NECTIN4: variants seen among roughly 807,000 people sequenced by gnomAD.
NECTIN4 encodes nectin-4.
A neutral mutation model predicts 51.7 loss-of-function variants in NECTIN4; 19 were observed. The observed-to-expected ratio is 0.37, with a 90% CI of 0.26 to 0.54. The LOEUF (loss-of-function observed/expected upper bound fraction) is 0.54, where lower values mean the gene tolerates loss of function less well. Among genes scored for constraint, NECTIN4 ranks in the 20% least tolerant of loss-of-function variants. NECTIN4 has a pLI of 0.86. For synonymous variants in NECTIN4, 283 were observed against 286.9 expected, an observed-to-expected ratio of 0.99 and a Z score of 0.14; for missense variants, 619 against 662.4, an observed-to-expected ratio of 0.93 and a Z score of 0.72.
In NECTIN4 at chr1:161,071,410, A is replaced by G. The variant is rs1167667655; in HGVS notation, c.*1251T>C. On this transcript the variant is annotated 3_prime_UTR_variant, in exon 9 of 9. Coordinates refer to ENST00000368012, the MANE Select transcript of NECTIN4 (RefSeq NM_030916.3). ...TATAATCACTGCTCTCTCTCTCCCC[A>G]ACACCACTATTGAACAGGAGCCCTT... 6.6e-6 allele frequency: 1 copy of G among 152,222 alleles called. No individual in the cohort carries two copies. Among genetic ancestry groups the G allele is most frequent in the Non-Finnish European group, 1.5e-5 (1 of 68,052 alleles). The allele number at this position is 152,222 out of a possible 1,614,324, so 9.4% of individuals were successfully genotyped here. A position where few individuals can be genotyped will look rare whatever the true frequency, so the allele number is the denominator to read the frequency against.
At chr1:161,078,680 G>C (rs1653525929) in intron 2 of NECTIN4, among the ~76,000 whole-genome samples, 2 of 152,046 alleles carry the variant, frequency 1.3e-5, no homozygotes, top group African/African-American at 4.8e-5. Context: ...TAAGTCCAGA[G>C]TTCACCACAA....
rs1378509417 is a variant in NECTIN4, at chr1:161,073,741, A to T, written c.1212T>A (p.His404Gln). 6.2e-7 allele frequency: 1 copy of T among 1,614,156 alleles called. No individual in the cohort carries two copies. The highest frequency in any genetic ancestry group is 2.2e-5 in the East Asian group (1 of 44,876). ...RENSIRRLHS[H>Q]HTDPRSQPEE... ...ACACCTGGCTCCTGGGGTCCGTGTG[A>T]TGGGAATGCAGCCTCCGGATGGAGT... The change falls in exon 7 of 9, where the codon CAT becomes CAA. Residue 404 changes from histidine (H) to glutamine (Q), a missense_variant. His to Gln is a conservative substitution (Grantham distance 24). Coordinates refer to ENST00000368012, the MANE Select transcript of NECTIN4 (RefSeq NM_030916.3).
chr1:161,073,884 C>T (rs537649774), intron 6 of NECTIN4, 89 bp from the exon 7 acceptor site: 22 of 1,230,304 alleles, frequency 1.8e-5, no homozygotes, highest in Middle Eastern at 1.9e-4. Context: ...GAGACAGGCC[C>T]GGAGGGTGTG....
rs1052792075 is a variant in NECTIN4, at chr1:161,087,771, T to C, written c.79+1447A>G. Among the ~76,000 whole-genome samples the C allele has an allele frequency of 2.6e-5, 4 of 151,992 alleles. No homozygotes were observed. In the South Asian group the frequency reaches 8.3e-4, roughly 32 times the overall value. ...GTCATAGGAAAGAGATGTTTGTGTGTGTGCGTGTGTGTCTACTCCTAACGT... is the reference window on the plus strand; with the variant it reads ...GTCATAGGAAAGAGATGTTTGTGTGCGTGCGTGTGTGTCTACTCCTAACGT... On this transcript the variant is annotated intron_variant, in intron 1 of 8. Transcript: ENST00000368012.
At chr1:161,073,112 G>A in intron 8 of NECTIN4, 113 bp downstream of exon 8, 1 of 1,001,984 alleles carries the variant, frequency 1.0e-6, no homozygotes. Flanking sequence ...GGCTGCATGA[G>A]CCAGGGCTAA....
chr1:161,079,566 C>T (rs1430944786), intron 2 of NECTIN4, 24 bp downstream of exon 2: 1 of 1,601,856 alleles, frequency 6.2e-7, no homozygotes, highest in East Asian at 2.2e-5. Flanking sequence ...GCGGCTCAGA[C>T]CGTACCCAGA....
intron 1 of NECTIN4, among the ~76,000 whole-genome samples, chr1:161,088,427 C>T (rs938349771): frequency 2.0e-5 from 3 of 152,146 alleles, no homozygotes; most frequent in African/African-American, 7.2e-5. Context: ...TTATACATTC[C>T]TATAATTCAT....
At chr1:161,075,434 T>C (rs1055776341) in intron 4 of NECTIN4, among the ~76,000 whole-genome samples, 4 of 152,236 alleles carry the variant, frequency 2.6e-5, no homozygotes, top group African/African-American at 9.6e-5. Context: ...CATAAATATA[T>C]AAAATATTAA....
At chr1:161,083,817 A>T (rs1185328278) in intron 1 of NECTIN4, among the ~76,000 whole-genome samples, 1 of 152,180 alleles carries the variant, frequency 6.6e-6, no homozygotes, top group Non-Finnish European at 1.5e-5. Flanking sequence ...GCTCCCAGAC[A>T]GGCCCTCCAT....
intron 7 of NECTIN4, 74 bp downstream of exon 7, chr1:161,073,646 C>A: frequency 7.7e-7 from 1 of 1,290,602 alleles, no homozygotes. Context: ...TCCTGGTCTG[C>A]AGAGGGGCCC....
intron 6 of NECTIN4, 89 bp from the exon 7 acceptor site, chr1:161,073,884 C>G: frequency 8.1e-7 from 1 of 1,230,304 alleles, no homozygotes; most frequent in Non-Finnish European, 1.2e-6. Context: ...GAGACAGGCC[C>G]GGAGGGTGTG....
chr1:161,074,847 C>A, intron 4 of NECTIN4, 88 bp from the exon 5 acceptor site: 1 of 1,416,744 alleles, frequency 7.1e-7, no homozygotes, highest in South Asian at 1.3e-5. Context: ...CCACCCTCCA[C>A]CCCCATGACG....
At position 161,074,753 on chromosome 1, in the gene NECTIN4, A is replaced by T; in HGVS notation, c.858T>A (p.Asp286Glu). The change falls in exon 5 of 9, where the codon GAT becomes GAA. Residue 286 changes from aspartate to glutamate, a missense_variant. Physicochemically the swap from Asp to Glu is conservative, Grantham distance 45. Around this residue, in one of 3 missense-constraint regions of NECTIN4, gnomAD observed 364 missense variants for 415.7 expected, o/e 0.88. Transcript: ENST00000368012. ...CTCGTACCCCACTGGGCAGAGGCCC[A>T]TCCAGCCTGGAAGACAGGGAAGCTG... is the stretch of plus-strand genomic sequence containing the variant. ...PPPSYNWTRL[D>E]GPLPSGVRVD... is the part of the protein sequence containing the mutation. The T allele has an allele frequency of 1.2e-6, 2 of 1,613,450 alleles. No individual in the cohort carries two copies. The highest frequency in any genetic ancestry group is 1.1e-5 in the South Asian group (1 of 91,040).
chr1:161,074,186 T>C lies in NECTIN4; in HGVS notation c.1157+31A>G, dbSNP rs1209956143. Reference sequence around the variant, plus strand: ...ATCCTCTTCTTTGTTCTCAGCTTAGTTCTACCCACCCAGGAGTGCCCAGTA... The same window carrying C: ...ATCCTCTTCTTTGTTCTCAGCTTAGCTCTACCCACCCAGGAGTGCCCAGTA... On this transcript the variant is annotated intron_variant, in intron 6 of 8. Transcript: ENST00000368012. 3 of 1,613,792 alleles carry C rather than the reference T, an allele frequency of 1.9e-6. No homozygotes were observed. In the Admixed American group the frequency reaches 5.0e-5, roughly 27 times the overall value.
intron 6 of NECTIN4, 71 bp downstream of exon 6, chr1:161,074,145 TG>T: frequency 6.3e-7 from 1 of 1,593,960 alleles, no homozygotes; most frequent in Non-Finnish European, 8.6e-7. Flanking sequence ...TCCTCGGTCC[TG>T]GCCCACCTCC....
intron 1 of NECTIN4, among the ~76,000 whole-genome samples, chr1:161,082,226 G>C (rs767794442): frequency 2.0e-5 from 3 of 152,270 alleles, no homozygotes; most frequent in Admixed American, 2.0e-4. Flanking sequence ...CTACTCGGGA[G>C]GCTGAGGTAG....
In NECTIN4 at chr1:161,074,374, C is replaced by T. The variant is rs1653318339; in HGVS notation, c.1001-1G>A. Reference sequence around the variant, plus strand: ...TGCTTCCCAGAGTCTTCCTGGGGGTCTGCTGGAGACAGGCCACTGTCTGAG... The same window carrying T: ...TGCTTCCCAGAGTCTTCCTGGGGGTTTGCTGGAGACAGGCCACTGTCTGAG... On this transcript the variant is annotated splice_acceptor_variant, in intron 5 of 8. Coordinates refer to ENST00000368012, the MANE Select transcript of NECTIN4 (RefSeq NM_030916.3). LOFTEE classifies it high-confidence loss of function. 1.9e-6 allele frequency: 3 copies of T among 1,613,874 alleles called. No individual in the cohort carries two copies. The South Asian group carries it at 3.3e-5, about 18-fold the overall frequency.
intron 1 of NECTIN4, among the ~76,000 whole-genome samples, chr1:161,085,262 A>G (rs541655153): frequency 3.9e-5 from 6 of 152,104 alleles, no homozygotes; most frequent in African/African-American, 1.2e-4. Flanking sequence ...TCACAAAGGG[A>G]GATGAGAACA....
intron 1 of NECTIN4, among the ~76,000 whole-genome samples, chr1:161,088,083 A>G (rs545251738): frequency 6.6e-6 from 1 of 152,284 alleles, no homozygotes; most frequent in South Asian, 2.1e-4. Context: ...GGAGCTCAGT[A>G]TCCTACGACT....
Sources: gnomAD v4.1 joint callset for allele counts (sites outside exome capture counted in the v4.1 genomes callset) on GRCh38, gnomAD v4.1.1 for gene constraint, gnomAD v4.1.1 regional missense constraint, MANE v1.5 for transcripts, NCBI Gene and HGNC (gene_info 2026-07-23, HGNC 2026-07-21) for gene names.